The following RBFOX1 variants were observed in gnomAD, a reference collection of about 807,000 sequenced individuals.
RBFOX1 encodes the protein RNA binding fox-1 homolog 1, also known as RNA binding protein fox-1 homolog 1.
Under a neutral mutation model 57.7 loss-of-function variants are expected in RBFOX1, and 8 were observed. That is an observed-to-expected ratio of 0.14 (90% confidence interval 0.08 to 0.25). The LOEUF (loss-of-function observed/expected upper bound fraction) is 0.25, where lower values mean the gene tolerates loss of function less well. Ranked by LOEUF, RBFOX1 falls within the 10% of genes least tolerant of loss-of-function variation. The pLI, the probability that RBFOX1 is intolerant of heterozygous loss-of-function variation, is 1.00. For synonymous variants in RBFOX1, 326 were observed against 222.4 expected (o/e 1.47, Z -4.15); for missense variants, 611 against 548.5 (o/e 1.11, Z -1.14).
At chr16:7,303,402 G>A (rs574774494) in intron 4 of RBFOX1, among the ~76,000 whole-genome samples, 67 of 152,186 alleles carry the variant, frequency 4.4e-4, no homozygotes, top group African/African-American at 1.6e-3. Context: ...CAAGGAATCC[G>A]GCAAACGCAC....
chr16:5,735,098 C>T (rs1042701039), intron 3 of RBFOX1, among the ~76,000 whole-genome samples: 1 of 152,154 alleles, frequency 6.6e-6, no homozygotes, highest in Non-Finnish European at 1.5e-5. Flanking sequence ...ATGGTTTATC[C>T]AGCTTTCCTT....
At chr16:6,066,047 G>A (rs1464137559) in intron 1 of RBFOX1, among the ~76,000 whole-genome samples, 2 of 152,238 alleles carry the variant, frequency 1.3e-5, no homozygotes, top group East Asian at 1.9e-4. Context: ...TGTAATCCCA[G>A]CACTTTGGGA....
intron 1 of RBFOX1, among the ~76,000 whole-genome samples, chr16:5,421,759 A>G (rs564325421): frequency 1.3e-5 from 2 of 152,362 alleles, no homozygotes; most frequent in East Asian, 3.9e-4. Context: ...TGCAAAGAAT[A>G]TGCAAATAAC....
At chr16:5,434,076 A>G (rs1597050508) in intron 1 of RBFOX1, among the ~76,000 whole-genome samples, 1 of 151,128 alleles carries the variant, frequency 6.6e-6, no homozygotes. Flanking sequence ...GCCTTGCAAA[A>G]CTCTCAGCTG....
chr16:5,435,641 C>T (rs1457093200), intron 1 of RBFOX1, among the ~76,000 whole-genome samples: 5 of 152,134 alleles, frequency 3.3e-5, no homozygotes, highest in Non-Finnish European at 7.4e-5. Context: ...CACCATAGGT[C>T]CCATGTTTAT....
intron 4 of RBFOX1, among the ~76,000 whole-genome samples, chr16:7,420,074 G>A (rs1178530319): frequency 1.3e-5 from 2 of 151,804 alleles, no homozygotes; most frequent in Non-Finnish European, 2.9e-5. Flanking sequence ...AACAAATGAG[G>A]GTACATTTGT....
chr16:7,299,268 A>T (rs2095973095), intron 4 of RBFOX1, among the ~76,000 whole-genome samples: 2 of 152,200 alleles, frequency 1.3e-5, no homozygotes, highest in Non-Finnish European at 2.9e-5. Context: ...TCAGTCTTTT[A>T]GGCAAAAGAT....
At chr16:6,508,959 A>T (rs1333868643) in intron 2 of RBFOX1, among the ~76,000 whole-genome samples, 2 of 152,162 alleles carry the variant, frequency 1.3e-5, no homozygotes, top group South Asian at 2.1e-4. Context: ...GTTTCTCAGT[A>T]CTATGTGAAT....
At chr16:6,119,781 C>T (rs988003741) in intron 1 of RBFOX1, among the ~76,000 whole-genome samples, 3 of 152,180 alleles carry the variant, frequency 2.0e-5, no homozygotes, top group Admixed American at 1.3e-4. Context: ...AGTAGAGGCA[C>T]AAGTCTCCAT....
intron 4 of RBFOX1, among the ~76,000 whole-genome samples, chr16:5,895,537 C>G (rs894587255): frequency 2.0e-5 from 3 of 152,208 alleles, no homozygotes; most frequent in Non-Finnish European, 2.9e-5. Context: ...ACTTGGCAGC[C>G]TGATCTTTAT....
intron 3 of RBFOX1, among the ~76,000 whole-genome samples, chr16:5,716,097 G>C (rs1159510392): frequency 6.6e-6 from 1 of 152,218 alleles, no homozygotes; most frequent in Non-Finnish European, 1.5e-5. Context: ...TTATACACCA[G>C]AGATTCCATT....
intron 2 of RBFOX1, among the ~76,000 whole-genome samples, chr16:6,570,677 T>C (rs1234710266): frequency 6.6e-6 from 1 of 152,218 alleles, no homozygotes; most frequent in Non-Finnish European, 1.5e-5. Context: ...ATCAGTCATA[T>C]GTAGATGATT....
chr16:6,737,956 A>G (rs952500170), intron 3 of RBFOX1, among the ~76,000 whole-genome samples: 6 of 152,264 alleles, frequency 3.9e-5, no homozygotes, highest in South Asian at 2.1e-4. Flanking sequence ...TCCCAGCACA[A>G]TGCTTGAGCC....
intron 4 of RBFOX1, among the ~76,000 whole-genome samples, chr16:7,440,807 T>G (rs1567180193): frequency 6.6e-6 from 1 of 152,146 alleles, no homozygotes; most frequent in Non-Finnish European, 1.5e-5. Context: ...TCCTCACATT[T>G]AGCAGCCCTC....
chr16:6,365,364 A>G (rs1296817935), intron 2 of RBFOX1, among the ~76,000 whole-genome samples: 2 of 150,986 alleles, frequency 1.3e-5, no homozygotes, highest in Non-Finnish European at 3.0e-5. Flanking sequence ...GGATAGACGG[A>G]TGAGTGGATG....
At chr16:6,672,184 T>G (rs1451596095) in intron 3 of RBFOX1, among the ~76,000 whole-genome samples, 1 of 152,242 alleles carries the variant, frequency 6.6e-6, no homozygotes, top group Admixed American at 6.5e-5. Context: ...TAGTTTCTAT[T>G]TATGAGCTTT....
chr16:7,193,987 C>G (rs117347681), intron 4 of RBFOX1, among the ~76,000 whole-genome samples: 5,512 of 151,446 alleles, frequency 0.036, 146 homozygotes, highest in South Asian at 0.091. Context: ...TAAAAATAGT[C>G]TTTCCCAAGT....
chr16:6,224,773 C>T (rs1306097121), intron 1 of RBFOX1, among the ~76,000 whole-genome samples: 2 of 152,078 alleles, frequency 1.3e-5, no homozygotes, highest in Non-Finnish European at 1.5e-5. Context: ...ATAATCCCAG[C>T]ATTTTAGGAA....
At chr16:5,932,552 G>GT (rs1228303486) in intron 4 of RBFOX1, among the ~76,000 whole-genome samples, 29 of 152,176 alleles carry the variant, frequency 1.9e-4, no homozygotes, top group African/African-American at 6.8e-4. Flanking sequence ...AGTGAGTGTT[G>GT]TTTTGAGCTC....
Sources: allele counts gnomAD v4.1 joint callset (sites outside exome capture counted in the v4.1 genomes callset), GRCh38; gene constraint gnomAD v4.1.1; transcripts MANE v1.5; gene names NCBI Gene and HGNC (gene_info 2026-07-23, HGNC 2026-07-21).